Variants in IL1RAPL2 observed in about 807,000 individuals in gnomAD.
The protein encoded by IL1RAPL2 is X-linked interleukin-1 receptor accessory protein-like 2.
IL1RAPL2 carries 3 observed loss-of-function variants against 44.1 expected under a neutral mutation model. The ratio of observed to expected loss-of-function variants is 0.07; its 90% CI spans 0.03 to 0.18. IL1RAPL2 has a LOEUF of 0.18. IL1RAPL2 is among the 10% of genes least tolerant of loss of function. IL1RAPL2 has a pLI of 1.00. For synonymous variants in IL1RAPL2, 181 were observed against 178.8 expected (o/e 1.01, Z -0.10); for missense variants, 391 against 496.4 (o/e 0.79, Z 2.02).
chrX:105,074,073 T>C (rs2032251151), intron 2 of IL1RAPL2, among the ~76,000 whole-genome samples: 1 of 111,695 alleles, frequency 9.0e-6, no homozygotes, highest in Admixed American at 9.5e-5. Flanking sequence ...ATTTTGGCTT[T>C]TGTTGCCATT....
At chrX:105,010,056 A>T (rs2031022969) in intron 2 of IL1RAPL2, among the ~76,000 whole-genome samples, 1 of 110,076 alleles carries the variant, frequency 9.1e-6, no homozygotes, top group Non-Finnish European at 1.9e-5. Flanking sequence ...TTGTGAAATG[A>T]TTTTTGTCAT....
rs990899720 is a variant in IL1RAPL2 at position 105,232,338 on chromosome X, T to C, written c.357-1480T>C. Among the ~76,000 whole-genome samples the C allele has an allele frequency of 1.1e-4, 12 of 112,091 alleles. No homozygotes were observed. The East Asian group carries it at 3.1e-3, about 29-fold the overall frequency. The stretch of plus-strand genomic sequence containing the variant: ...TACTAAGCAGTATGAACAGTGCCGA[T>C]CATTTGGTACTGTCTGAAAATTATT... On this transcript the variant is annotated intron_variant, in intron 3 of 10. Transcript: ENST00000372582.
chrX:105,295,587 G>T (rs2034648021), intron 5 of IL1RAPL2, among the ~76,000 whole-genome samples: 1 of 111,735 alleles, frequency 8.9e-6, no homozygotes, highest in Admixed American at 9.5e-5. Context: ...TGCAAATAGT[G>T]TTTTTTAAGT....
At chrX:105,566,959 G>C (rs938837486) in intron 6 of IL1RAPL2, among the ~76,000 whole-genome samples, 1 of 111,211 alleles carries the variant, frequency 9.0e-6, no homozygotes, top group African/African-American at 3.3e-5. Context: ...TATCCCCAGA[G>C]GAACTATGGT....
At chrX:104,906,256 A>T (rs1459397511) in intron 2 of IL1RAPL2, among the ~76,000 whole-genome samples, 1 of 111,196 alleles carries the variant, frequency 9.0e-6, no homozygotes, top group Non-Finnish European at 1.9e-5. Flanking sequence ...GCAAACGGGG[A>T]CAATTTGACT....
chrX:104,760,734 C>A (rs1405400118), intron 2 of IL1RAPL2, among the ~76,000 whole-genome samples: 2 of 111,026 alleles, frequency 1.8e-5, no homozygotes, highest in Non-Finnish European at 3.8e-5. Context: ...TGATGCGGGT[C>A]GTATCTTTGT....
At chrX:104,904,335 G>A (rs1419676560) in intron 2 of IL1RAPL2, among the ~76,000 whole-genome samples, 1 of 107,958 alleles carries the variant, frequency 9.3e-6, no homozygotes, top group Non-Finnish European at 1.9e-5. Flanking sequence ...AAGTTTTAGG[G>A]TACATGTGCA....
intron 6 of IL1RAPL2, among the ~76,000 whole-genome samples, chrX:105,661,800 G>C (rs1321904455): frequency 8.9e-6 from 1 of 112,320 alleles, no homozygotes; most frequent in Non-Finnish European, 1.9e-5. Flanking sequence ...GTTGACACTG[G>C]AGTTGCTGCA....
chrX:105,244,909 C>T (rs1168715191), intron 4 of IL1RAPL2, among the ~76,000 whole-genome samples: 4 of 111,779 alleles, frequency 3.6e-5, no homozygotes, highest in Non-Finnish European at 7.5e-5. Context: ...GGTCCAGAAA[C>T]AGCTGGATTG....
chrX:104,673,458 T>G (rs1177996913), intron 2 of IL1RAPL2, among the ~76,000 whole-genome samples: 4 of 111,377 alleles, frequency 3.6e-5, no homozygotes, highest in Non-Finnish European at 7.5e-5. Flanking sequence ...TTGATCTATA[T>G]CTCTGTTTTG....
chrX:104,647,514 G>C, intron 1 of IL1RAPL2: 1 of 533,447 alleles, frequency 1.9e-6, no homozygotes, highest in Admixed American at 2.4e-5. Flanking sequence ...TCCAGGATGA[G>C]CCCAAAGGTG....
intron 5 of IL1RAPL2, chrX:105,405,941 T>C: frequency 1.7e-6 from 2 of 1,176,941 alleles, no homozygotes; most frequent in South Asian, 3.6e-5. Context: ...TTTTGTTTGT[T>C]TGTGAAGGAG....
chrX:105,324,520 C>A (rs1370039822), intron 5 of IL1RAPL2, among the ~76,000 whole-genome samples: 5 of 108,768 alleles, frequency 4.6e-5, no homozygotes, highest in Non-Finnish European at 7.5e-5. Context: ...AAGTCACTTT[C>A]TGTTGTTTAG....
chrX:105,345,575 C>A (rs1225343777), intron 5 of IL1RAPL2, among the ~76,000 whole-genome samples: 2 of 109,815 alleles, frequency 1.8e-5, no homozygotes, highest in African/African-American at 6.6e-5. Context: ...TTTTTCATTT[C>A]AGAGACTCAA....
At chrX:105,248,276 A>G (rs1357406848) in intron 4 of IL1RAPL2, among the ~76,000 whole-genome samples, 1 of 111,771 alleles carries the variant, frequency 8.9e-6, no homozygotes, top group Non-Finnish European at 1.9e-5. Context: ...GAAATATGCT[A>G]TATAAATATT....
In IL1RAPL2 at chrX:105,233,924, A is replaced by T; in HGVS notation, c.463A>T (p.Thr155Ser). ...CCGCTATTTAGAAAAATCTGAAGTC[A>T]CTAAAAGAAAGGAGATCTCCTGTCC... is the stretch of plus-strand genomic sequence containing the variant. ...RIRYLEKSEV[T>S]KRKEISCPDM... Residue 155 changes from threonine to serine, a missense_variant, in exon 4 of 11, where the codon ACT becomes TCT. By Grantham distance (58) the Thr-to-Ser change is moderately conservative. Transcript: ENST00000372582. 1 of 1,210,950 alleles carries T rather than the reference A, an allele frequency of 8.3e-7. No homozygotes were observed. The highest frequency in any genetic ancestry group is 2.2e-5 in the Admixed American group (1 of 46,054).
chrX:105,593,752 C>CT (rs1391789425), intron 6 of IL1RAPL2, among the ~76,000 whole-genome samples: 2 of 111,068 alleles, frequency 1.8e-5, no homozygotes, highest in Non-Finnish European at 3.8e-5. Flanking sequence ...GGGTCCCCAG[C>CT]TTTGTTCTCT....
chrX:104,950,233 G>T (rs2147709598), intron 2 of IL1RAPL2, among the ~76,000 whole-genome samples: 1 of 111,738 alleles, frequency 8.9e-6, no homozygotes. Flanking sequence ...TCAGAGACTA[G>T]GATTGCAACC....
chrX:105,688,599 C>T (rs1471434599), intron 6 of IL1RAPL2, among the ~76,000 whole-genome samples: 2 of 111,902 alleles, frequency 1.8e-5, no homozygotes, highest in Middle Eastern at 8.4e-3. Context: ...AAGAACATTC[C>T]ATGCTCATGA....
Sources: allele counts gnomAD v4.1 joint callset (sites outside exome capture counted in the v4.1 genomes callset), GRCh38; gene constraint gnomAD v4.1.1; transcripts MANE v1.5; gene names NCBI Gene and HGNC (gene_info 2026-07-23, HGNC 2026-07-21).